ZGRF1: variants seen among roughly 807,000 people sequenced by gnomAD.
ZGRF1 encodes zinc finger GRF-type containing 1.
Under a neutral mutation model 203.5 loss-of-function variants are expected in ZGRF1, and 196 were observed. The ratio of observed to expected loss-of-function variants is 0.96; its 90% CI spans 0.86 to 1.08. The LOEUF is 1.08. Among genes scored for constraint, ZGRF1 ranks in the 50% least tolerant of loss-of-function variants. The pLI, the probability that ZGRF1 is intolerant of heterozygous loss-of-function variation, is 0.00. For synonymous variants in ZGRF1, 809 were observed against 841.3 expected, an observed-to-expected ratio of 0.96 and a Z score of 0.66; for missense variants, 2,326 against 2,416.3, an observed-to-expected ratio of 0.96 and a Z score of 0.78.
At position 112,632,000 on chromosome 4, in the gene ZGRF1, G is replaced by C; in HGVS notation, c.32C>G (p.Thr11Ser). The change falls in exon 3 of 28, where the codon ACT becomes AGT. Residue 11 changes from threonine (T) to serine (S), a missense_variant. By Grantham distance (58) the Thr-to-Ser change is moderately conservative (BLOSUM62 1). Transcript: ENST00000505019. Reference protein sequence around the residue: MESQEFIVLYTHQKMKKSKVW... With the variant: MESQEFIVLYSHQKMKKSKVW... ...TTTTGACTTCTTCATCTTTTGATGA[G>C]TATATAGAACCTTATTTCCAAAAAT... The C allele has an allele frequency of 6.4e-7, 1 of 1,553,802 alleles. No individual in the cohort carries two copies. Among genetic ancestry groups the C allele is most frequent in the Non-Finnish European group, 8.8e-7 (1 of 1,140,332 alleles).
At chr4:112,611,999 C>T (rs2046697222) in intron 7 of ZGRF1, among the ~76,000 whole-genome samples, 1 of 151,120 alleles carries the variant, frequency 6.6e-6, no homozygotes, top group Non-Finnish European at 1.5e-5. Context: ...GAGTCTCACT[C>T]TTGTTGCCCA....
At chr4:112,631,216 G>A (rs1223618425) in intron 3 of ZGRF1, among the ~76,000 whole-genome samples, 1 of 151,906 alleles carries the variant, frequency 6.6e-6, no homozygotes, top group Admixed American at 6.6e-5. Context: ...TGCCCAGGCT[G>A]GTCTTGAACT....
At chr4:112,562,292 G>T in intron 18 of ZGRF1, 79 bp downstream of exon 18, 1 of 761,624 alleles carries the variant, frequency 1.3e-6, no homozygotes, top group Non-Finnish European at 2.3e-6. Flanking sequence ...TTTATATACT[G>T]TACTTTTATT....
At chr4:112,626,942 A>G (rs946870595) in intron 3 of ZGRF1, among the ~76,000 whole-genome samples, 2 of 152,128 alleles carry the variant, frequency 1.3e-5, no homozygotes, top group Non-Finnish European at 2.9e-5. Context: ...AGTAGCTGGA[A>G]TTACAAGCAC....
intron 10 of ZGRF1, among the ~76,000 whole-genome samples, chr4:112,601,150 C>T (rs1749898934): frequency 1.3e-5 from 2 of 150,712 alleles, no homozygotes; most frequent in African/African-American, 2.4e-5. Flanking sequence ...GTGGTTCACA[C>T]CTATAATCCC....
intron 16 of ZGRF1, among the ~76,000 whole-genome samples, chr4:112,569,579 G>A (rs1002220303): frequency 6.6e-6 from 1 of 151,926 alleles, no homozygotes; most frequent in Non-Finnish European, 1.5e-5. Flanking sequence ...AAGGGATGTG[G>A]GTGCTTTCTA....
intron 6 of ZGRF1, among the ~76,000 whole-genome samples, chr4:112,616,640 G>C (rs373424294): frequency 6.6e-6 from 1 of 151,604 alleles, no homozygotes; most frequent in South Asian, 2.1e-4. Context: ...TTCAAGACCA[G>C]CCTGGCCAAC....
Position 112,619,371 on chromosome 4 carries a change from G to A in ZGRF1, c.671C>T (p.Ser224Leu). The A allele has an allele frequency of 6.2e-7, 1 of 1,613,298 alleles. No homozygotes were observed. Among genetic ancestry groups the A allele is most frequent in the Non-Finnish European group, 8.5e-7 (1 of 1,179,506 alleles). The change falls in exon 6 of 28, where the codon TCA (serine) becomes TTA (leucine). Residue 224 changes from serine (S) to leucine (L), a missense_variant. By Grantham distance (145) the Ser-to-Leu change is moderately radical. Transcript: ENST00000505019. ...AGGCTCATTGGTCAGTAAAGAGTCT[G>A]AAAGCTTATTTCCAGAATTGACAGG... The part of the protein sequence containing the change: ...CSPVNSGNKL[S>L]DSLLTNEPVK...
rs1413353190 is a variant in ZGRF1 at position 112,549,070 on chromosome 4, C to A, written c.5347-690G>T. Among the ~76,000 whole-genome samples, 3 of 23,910 alleles carry A rather than the reference C, an allele frequency of 1.3e-4. 1 individual carries two copies. The highest frequency in any genetic ancestry group is 2.3e-4 in the Non-Finnish European group (3 of 12,812). 15.7% of individuals were successfully genotyped at this position (23,910 alleles called of 152,430 possible). On this transcript the variant is annotated intron_variant, in intron 22 of 27. Coordinates refer to ENST00000505019, the MANE Select transcript of ZGRF1 (RefSeq NM_018392.5). ...CGGAGCTTGCAGTGAGCCGAGATTGCGCCACTGCACTCCAGCCTGGGCGAC... is the reference window on the plus strand; with the variant it reads ...CGGAGCTTGCAGTGAGCCGAGATTGAGCCACTGCACTCCAGCCTGGGCGAC...
At chr4:112,592,837 A>G (rs1748405473) in intron 10 of ZGRF1, among the ~76,000 whole-genome samples, 2 of 152,230 alleles carry the variant, frequency 1.3e-5, no homozygotes, top group South Asian at 4.1e-4. Context: ...TTAACCTCCA[A>G]TGTGATTATA....
chr4:112,546,424 A>AG lies in ZGRF1; in HGVS notation c.5598+860dup, dbSNP rs747239717. On this transcript the variant is annotated intron_variant, in intron 24 of 27. Transcript: ENST00000505019. ...CTGCTATATAAACTGCATGCTGTAA[A>AG]GAAAAAAAAGTTTTTTTTAAGAAAT... Among the ~76,000 whole-genome samples the AG allele has an allele frequency of 3.9e-5, 6 of 152,362 alleles. No homozygotes were observed. In the East Asian group the frequency reaches 7.7e-4, roughly 20 times the overall value.
chr4:112,617,430 C>G lies in ZGRF1; in HGVS notation c.2602+10G>C. 2 of 1,516,188 alleles carry G rather than the reference C, an allele frequency of 1.3e-6. No homozygotes were observed. Among genetic ancestry groups the G allele is most frequent in the Non-Finnish European group, 1.8e-6 (2 of 1,134,642 alleles). 93.9% of individuals were successfully genotyped at this position (1,516,188 alleles called of 1,614,324 possible). On this transcript the variant is annotated intron_variant, in intron 6 of 27. Coordinates refer to ENST00000505019, the MANE Select transcript of ZGRF1 (RefSeq NM_018392.5). Reference sequence around the variant, plus strand: ...AAGAAAACATTCCAAAATAGACATGCAATTCTAACCTTCAGGAGGGCTATC... The same window carrying G: ...AAGAAAACATTCCAAAATAGACATGGAATTCTAACCTTCAGGAGGGCTATC...
At chr4:112,552,135 G>A (rs574360381) in intron 22 of ZGRF1, among the ~76,000 whole-genome samples, 10 of 152,000 alleles carry the variant, frequency 6.6e-5, no homozygotes, top group Non-Finnish European at 8.8e-5. Context: ...AAAATTAGCC[G>A]GGTGCGGTGG....
chr4:112,605,029 T>C (rs1230846988), intron 9 of ZGRF1, among the ~76,000 whole-genome samples: 5 of 152,140 alleles, frequency 3.3e-5, no homozygotes, highest in Admixed American at 3.3e-4. Flanking sequence ...TGGTGGAAAA[T>C]ATTCTTCTGA....
At chr4:112,540,434 T>C (rs984121259) in intron 26 of ZGRF1, among the ~76,000 whole-genome samples, 2 of 152,176 alleles carry the variant, frequency 1.3e-5, no homozygotes, top group Admixed American at 1.3e-4. Context: ...TAGAAGTAAT[T>C]GGCTCATGTG....
chr4:112,628,148 T>TA (rs1278872269), intron 3 of ZGRF1, among the ~76,000 whole-genome samples: 2 of 152,236 alleles, frequency 1.3e-5, no homozygotes, highest in Non-Finnish European at 2.9e-5. Context: ...CTTATGCCCT[T>TA]AGTCAAAAAT....
rs1167383571 is a variant in ZGRF1 at position 112,584,091 on chromosome 4, A to G, written c.4185T>C (p.Tyr1395=). ...FKWLEDVTPG[Y]STQEGARPGM... ...CAGGTCGAGCTCCTTCCTGTGTTGA[A>G]TATCCTGGAGTCACGTCCTCAAGCC... Residue 1395 remains tyrosine (Y), a synonymous_variant, in exon 15 of 28, where the codon TAT becomes TAC. Coordinates refer to ENST00000505019, the MANE Select transcript of ZGRF1 (RefSeq NM_018392.5). The G allele has an allele frequency of 1.2e-6, 2 of 1,613,510 alleles. No homozygotes were observed. Among genetic ancestry groups the G allele is most frequent in the Middle Eastern group, 1.7e-4 (1 of 6,060 alleles).
In ZGRF1 at chr4:112,597,086, C is replaced by T. The variant is rs556641141; in HGVS notation, c.2976+6438G>A. Reference sequence around the variant, plus strand: ...AAAATTAGCCAGGTGTGGTGGTGCACGCCTGTAGTCCCAGCTTCTTGGGAG... The same window carrying T: ...AAAATTAGCCAGGTGTGGTGGTGCATGCCTGTAGTCCCAGCTTCTTGGGAG... On this transcript the variant is annotated intron_variant, in intron 10 of 27. Transcript: ENST00000505019. 2.0e-5 allele frequency among the ~76,000 whole-genome samples: 3 copies of T among 151,510 alleles called. No homozygotes were observed. In the South Asian group the frequency reaches 6.3e-4, roughly 32 times the overall value.
rs148026274 is a variant in ZGRF1, at chr4:112,553,220, T to C, written c.5346+615A>G. Among the ~76,000 whole-genome samples the C allele has an allele frequency of 6.3e-3, 963 of 152,320 alleles. 17 individuals carry two copies. Among genetic ancestry groups the C allele is most frequent in the African/African-American group, 0.021 (864 of 41,578 alleles). On this transcript the variant is annotated intron_variant, in intron 22 of 27. Transcript: ENST00000505019. ...TGCTTTTCCCCATGCTCTCCTTTCATAGGAGGAAGCTGCTGATTGATTTTT... is the reference window on the plus strand; with the variant it reads ...TGCTTTTCCCCATGCTCTCCTTTCACAGGAGGAAGCTGCTGATTGATTTTT...
Sources: gnomAD v4.1 joint callset for allele counts (sites outside exome capture counted in the v4.1 genomes callset) on GRCh38, gnomAD v4.1.1 for gene constraint, MANE v1.5 for transcripts, NCBI Gene and HGNC (gene_info 2026-07-23, HGNC 2026-07-21) for gene names.